Variants in GULP1 observed in about 807,000 individuals in gnomAD.
GULP1 encodes PTB domain-containing engulfment adapter protein 1.
In GULP1, 19 loss-of-function variants were observed where a neutral mutation model predicts 40.9. The ratio of observed to expected loss-of-function variants is 0.46; its 90% CI spans 0.32 to 0.68. The LOEUF (loss-of-function observed/expected upper bound fraction) is 0.68, where lower values mean the gene tolerates loss of function less well. Ranked by LOEUF, GULP1 falls within the 30% of genes least tolerant of loss-of-function variation. The pLI is 0.03. For synonymous variants in GULP1, 119 were observed against 117.6 expected, an observed-to-expected ratio of 1.01 and a Z score of -0.08; for missense variants, 312 against 362.2, an observed-to-expected ratio of 0.86 and a Z score of 1.12.
At chr2:188,528,823 A>G (rs749542305) in intron 5 of GULP1, among the ~76,000 whole-genome samples, 2 of 152,154 alleles carry the variant, frequency 1.3e-5, no homozygotes, top group African/African-American at 4.8e-5. Flanking sequence ...AGTTTTCTCA[A>G]CTGTCTGGTA....
At chr2:188,573,014 C>A (rs1469477915) in intron 9 of GULP1, among the ~76,000 whole-genome samples, 2 of 151,996 alleles carry the variant, frequency 1.3e-5, no homozygotes, top group African/African-American at 2.4e-5. Flanking sequence ...ATTGTTCTCA[C>A]AACAAATATG....
rs150606046 is a variant in GULP1 at position 188,467,166 on chromosome 2, G to T, written c.-44-10493G>T. On this transcript the variant is annotated intron_variant, in intron 2 of 11. Transcript: ENST00000409830. ...AAAAGAGAAGTCTCATTATTTTCAAGAATTGGAGTTAGGAGGATAATAATG... is the reference window on the plus strand; with the variant it reads ...AAAAGAGAAGTCTCATTATTTTCAATAATTGGAGTTAGGAGGATAATAATG... Among the ~76,000 whole-genome samples the T allele has an allele frequency of 4.1e-3, 617 of 152,102 alleles. 12 individuals are homozygous for T. The highest frequency in any genetic ancestry group is 8.2e-4 in the Non-Finnish European group (56 of 67,976).
At chr2:188,449,660 A>G (rs2058679201) in intron 2 of GULP1, among the ~76,000 whole-genome samples, 1 of 152,200 alleles carries the variant, frequency 6.6e-6, no homozygotes, top group Non-Finnish European at 1.5e-5. Flanking sequence ...CGCTTTTCAA[A>G]TGAGAATACA....
At chr2:188,496,559 A>T (rs1400478285) in intron 4 of GULP1, among the ~76,000 whole-genome samples, 48 of 152,016 alleles carry the variant, frequency 3.2e-4, no homozygotes, top group Non-Finnish European at 5.9e-5. Context: ...CAATAAAAAT[A>T]ATTATTTTTA....
intron 2 of GULP1, among the ~76,000 whole-genome samples, chr2:188,469,126 TTAAC>T (rs1427858615): frequency 6.6e-6 from 1 of 152,194 alleles, no homozygotes; most frequent in African/African-American, 2.4e-5. Flanking sequence ...GGCGTAAAGC[TTAAC>T]TAAAGTTTGA....
chr2:188,459,353 A>AT (rs2059523729), intron 2 of GULP1, among the ~76,000 whole-genome samples: 1 of 152,070 alleles, frequency 6.6e-6, no homozygotes, highest in East Asian at 1.9e-4. Context: ...TCTCGCTAGC[A>AT]TTTTTTATTG....
chr2:188,315,742 G>T (rs1029221981), intron 1 of GULP1, among the ~76,000 whole-genome samples: 3 of 151,872 alleles, frequency 2.0e-5, no homozygotes, highest in Non-Finnish European at 4.4e-5. Context: ...CTATGATAAG[G>T]TTTAATTTAT....
chr2:188,575,225 C>T (rs1358664444), intron 9 of GULP1, among the ~76,000 whole-genome samples: 1 of 152,140 alleles, frequency 6.6e-6, no homozygotes, highest in South Asian at 2.1e-4. Flanking sequence ...CCGTATGTTA[C>T]AATGCATATC....
chr2:188,537,537 C>T (rs1689262620), intron 6 of GULP1, among the ~76,000 whole-genome samples: 2 of 152,028 alleles, frequency 1.3e-5, no homozygotes, highest in Non-Finnish European at 2.9e-5. Context: ...ATGAAGCCTT[C>T]TTGGTTGTTT....
At chr2:188,354,432 G>A (rs530999234) in intron 1 of GULP1, among the ~76,000 whole-genome samples, 3 of 152,298 alleles carry the variant, frequency 2.0e-5, no homozygotes, top group African/African-American at 4.8e-5. Context: ...TCTGAACTGC[G>A]AGGGTGCCTC....
At chr2:188,340,744 C>T (rs562987756) in intron 1 of GULP1, among the ~76,000 whole-genome samples, 2 of 152,148 alleles carry the variant, frequency 1.3e-5, no homozygotes, top group East Asian at 1.9e-4. Context: ...AAAATCAGAT[C>T]GCACAAACGA....
chr2:188,308,114 T>C (rs1444960238), intron 1 of GULP1, among the ~76,000 whole-genome samples: 1 of 19,008 alleles, frequency 5.3e-5, no homozygotes. Context: ...TTTTAGGTCA[T>C]TTTTTTTTTT....
chr2:188,509,842 A>G (rs530194031), intron 4 of GULP1, among the ~76,000 whole-genome samples: 1 of 152,196 alleles, frequency 6.6e-6, no homozygotes, highest in South Asian at 2.1e-4. Context: ...TAAGAAAAAT[A>G]AGGCACTCTG....
chr2:188,445,989 C>G (rs534222150), intron 2 of GULP1, among the ~76,000 whole-genome samples: 1 of 152,262 alleles, frequency 6.6e-6, no homozygotes, highest in Non-Finnish European at 1.5e-5. Context: ...ATGGTAGACA[C>G]TATTAGCTGC....
chr2:188,347,108 A>C (rs968953843), intron 1 of GULP1, among the ~76,000 whole-genome samples: 1 of 152,152 alleles, frequency 6.6e-6, no homozygotes, highest in Non-Finnish European at 1.5e-5. Flanking sequence ...TTATTTTATC[A>C]CAAATAAGGA....
At chr2:188,345,126 A>G (rs2043464638) in intron 1 of GULP1, among the ~76,000 whole-genome samples, 1 of 152,108 alleles carries the variant, frequency 6.6e-6, no homozygotes, top group Non-Finnish European at 1.5e-5. Flanking sequence ...GTTTTGAAAA[A>G]TTATCTTCTT....
intron 6 of GULP1, among the ~76,000 whole-genome samples, chr2:188,536,751 T>C (rs553694152): frequency 5.6e-4 from 85 of 152,276 alleles, no homozygotes; most frequent in African/African-American, 1.8e-3. Flanking sequence ...AGGAGTAACA[T>C]TGAATCTGTA....
At chr2:188,441,293 A>G (rs73978236) in intron 2 of GULP1, among the ~76,000 whole-genome samples, 95 of 152,282 alleles carry the variant, frequency 6.2e-4, no homozygotes, top group Middle Eastern at 3.4e-3. Flanking sequence ...CTGGCTTTCT[A>G]TACACCCTTT....
intron 1 of GULP1, among the ~76,000 whole-genome samples, chr2:188,359,188 T>G (rs2152352600): frequency 6.6e-6 from 1 of 152,276 alleles, no homozygotes; most frequent in South Asian, 2.1e-4. Context: ...GCCTCCATTC[T>G]GTTCTCATTT....
Sources: gnomAD v4.1 joint callset for allele counts (sites outside exome capture counted in the v4.1 genomes callset) on GRCh38, gnomAD v4.1.1 for gene constraint, MANE v1.5 for transcripts, NCBI Gene and HGNC (gene_info 2026-07-23, HGNC 2026-07-21) for gene names.